ITGA4: variants seen among roughly 807,000 people sequenced by gnomAD.
ITGA4 encodes the protein integrin subunit alpha 4, also known as integrin alpha-4.
Under a neutral mutation model 133.6 loss-of-function variants are expected in ITGA4, and 63 were observed. The ratio of observed to expected loss-of-function variants is 0.47; its 90% CI spans 0.38 to 0.58. The LOEUF (loss-of-function observed/expected upper bound fraction) is 0.58, where lower values mean the gene tolerates loss of function less well. Among genes scored for constraint, ITGA4 ranks in the 20% least tolerant of loss-of-function variants. The pLI is 0.00. For synonymous variants in ITGA4, 483 were observed against 438.0 expected (o/e 1.10, Z -1.28); for missense variants, 1,076 against 1,252.7 (o/e 0.86, Z 2.13).
At position 181,537,204 on chromosome 2, in the gene ITGA4, C is replaced by T. The variant is rs201828604; in HGVS notation, c.*1677C>T. On this transcript the variant is annotated 3_prime_UTR_variant, in exon 28 of 28. Transcript: ENST00000397033. ...GGATCATAGATGAAAAATCAAGCCC[C>T]GATTTAGAACTGTCTTCTCCAGGAT... The T allele has an allele frequency of 3.3e-5, 15 of 452,970 alleles. No individual in the cohort carries two copies. Among genetic ancestry groups the T allele is most frequent in the Non-Finnish European group, 4.9e-5 (11 of 226,020 alleles). 28.1% of individuals were successfully genotyped at this position (452,970 alleles called of 1,614,324 possible). A position where few individuals can be genotyped will look rare whatever the true frequency, so the allele number is the denominator to read the frequency against.
intron 17 of ITGA4, among the ~76,000 whole-genome samples, chr2:181,514,721 T>C (rs1686572971): frequency 6.6e-6 from 1 of 152,102 alleles, no homozygotes; most frequent in Admixed American, 6.6e-5. Context: ...AATCAGACAC[T>C]TGTGCTATCA....
At chr2:181,521,690 C>T (rs569136594) in intron 17 of ITGA4, among the ~76,000 whole-genome samples, 18 of 152,198 alleles carry the variant, frequency 1.2e-4, no homozygotes, top group East Asian at 1.2e-3. Context: ...GTGCCACGCA[C>T]TTGTGGGTGG....
At chr2:181,520,389 GC>G (rs1250781062) in intron 17 of ITGA4, among the ~76,000 whole-genome samples, 1 of 151,984 alleles carries the variant, frequency 6.6e-6, no homozygotes, top group Non-Finnish European at 1.5e-5. Flanking sequence ...TGAAGCAGGG[GC>G]CAACTCTGGA....
chr2:181,531,663 A>G lies in ITGA4; in HGVS notation c.2671A>G (p.Ile891Val). 6.3e-6 allele frequency: 10 copies of G among 1,591,368 alleles called. No homozygotes were observed. The highest frequency in any genetic ancestry group is 8.6e-6 in the Non-Finnish European group (10 of 1,164,372). ...CTTTTATATTCCCTTCAAGTACTGC[A>G]TAAAAGCTGATCCACATTGTTTAAA... is the stretch of plus-strand genomic sequence containing the variant. ...SKTDKRLLYC[I>V]KADPHCLNFL... The change falls in exon 25 of 28, where the codon ATA becomes GTA. Residue 891 changes from isoleucine to valine, a missense_variant. By Grantham distance (29) the Ile-to-Val change is conservative. Transcript: ENST00000397033.
intron 15 of ITGA4, among the ~76,000 whole-genome samples, chr2:181,509,135 TAAAAAAAAAAAAAAAAAAAAAAAAAAAAA>T (rs57180154): frequency 1.1e-4 from 5 of 44,640 alleles, no homozygotes; most frequent in South Asian, 1.3e-3. Flanking sequence ...TCCCATCTCT[TAAAAAAAAAAAAAAAAAAAAAAAAAAAAA>T]AAAAAAAAAA....
intron 17 of ITGA4, among the ~76,000 whole-genome samples, chr2:181,517,218 T>C (rs1686624006): frequency 6.6e-6 from 1 of 152,090 alleles, no homozygotes; most frequent in Non-Finnish European, 1.5e-5. Context: ...TATCTTGACA[T>C]AGTGAAGTAT....
intron 17 of ITGA4, among the ~76,000 whole-genome samples, chr2:181,515,610 A>G (rs1011667486): frequency 6.6e-6 from 1 of 152,090 alleles, no homozygotes; most frequent in African/African-American, 2.4e-5. Context: ...TATTTTTTGT[A>G]TCAACTAAGA....
chr2:181,491,266 G>GTTATTTTTTCAT, intron 10 of ITGA4, among the ~76,000 whole-genome samples: 1 of 276 alleles, frequency 3.6e-3, no homozygotes, highest in East Asian at 0.5. Context: ...CGCCGGGCGC[G>GTTATTTTTTCAT]GTGGCTCACG....
At chr2:181,534,594 A>T (rs1356092365) in intron 26 of ITGA4, among the ~76,000 whole-genome samples, 2 of 149,426 alleles carry the variant, frequency 1.3e-5, no homozygotes, top group Non-Finnish European at 3.0e-5. Context: ...TGAGAATTGA[A>T]TAGATTGGAG....
chr2:181,535,829 A>G lies in ITGA4; in HGVS notation c.*302A>G, dbSNP rs201098332. On this transcript the variant is annotated 3_prime_UTR_variant, in exon 28 of 28. Transcript: ENST00000397033. ...CTTGAAGATATCTTGAAATGAAAGT[A>G]TAACTGAGTTAAATTATACTGGAGA... 7 of 201,632 alleles carry G rather than the reference A, an allele frequency of 3.5e-5. No individual in the cohort carries two copies. Among genetic ancestry groups the G allele is most frequent in the East Asian group, 1.2e-4 (1 of 8,326 alleles). The allele number at this position is 201,632 out of a possible 1,614,324, so 12.5% of individuals were successfully genotyped here. A position where few individuals can be genotyped will look rare whatever the true frequency, so the allele number is the denominator to read the frequency against.
rs544241366 is a variant in ITGA4, at chr2:181,463,322, CATG to C, written c.319+5008_319+5010del. Reference sequence around the variant, plus strand: ...TAGGATATTTAAAACTGGGGAGTGACATGATCAGATTTGTGTGTTTGACAGATT... The same window carrying C: ...TAGGATATTTAAAACTGGGGAGTGACATCAGATTTGTGTGTTTGACAGATT... On this transcript the variant is annotated intron_variant, in intron 2 of 27. Transcript: ENST00000397033. 2.3e-3 allele frequency among the ~76,000 whole-genome samples: 346 copies of C among 152,190 alleles called. 2 individuals carry two copies. Among genetic ancestry groups the C allele is most frequent in the African/African-American group, 6.1e-3 (254 of 41,528 alleles).
chr2:181,483,769 G>A (rs2105734885), intron 9 of ITGA4, among the ~76,000 whole-genome samples: 1 of 152,238 alleles, frequency 6.6e-6, no homozygotes. Flanking sequence ...TCCAAAAATA[G>A]TGGTCTTTGT....
At chr2:181,475,860 A>G (rs1233943747) in intron 4 of ITGA4, 2 of 1,602,882 alleles carry the variant, frequency 1.2e-6, no homozygotes, top group East Asian at 2.2e-5. Flanking sequence ...AACAGAAGTG[A>G]GCAGAATTGG....
At chr2:181,529,051 T>C (rs1426660379) in intron 22 of ITGA4, among the ~76,000 whole-genome samples, 1 of 152,212 alleles carries the variant, frequency 6.6e-6, no homozygotes, top group African/African-American at 2.4e-5. Flanking sequence ...AGAGTGCTTT[T>C]GCGATAACAT....
intron 15 of ITGA4, among the ~76,000 whole-genome samples, chr2:181,499,184 C>A (rs1056227401): frequency 6.6e-6 from 1 of 152,180 alleles, no homozygotes; most frequent in East Asian, 1.9e-4. Flanking sequence ...ACGACTCCAG[C>A]GAAGCAGAAT....
intron 26 of ITGA4, among the ~76,000 whole-genome samples, chr2:181,534,600 T>C (rs1200456910): frequency 6.7e-6 from 1 of 148,946 alleles, no homozygotes; most frequent in Non-Finnish European, 1.5e-5. Context: ...TTGAATAGAT[T>C]GGAGGAAAAG....
At chr2:181,470,545 T>A (rs1228441480) in intron 2 of ITGA4, among the ~76,000 whole-genome samples, 1 of 152,152 alleles carries the variant, frequency 6.6e-6, no homozygotes, top group Non-Finnish European at 1.5e-5. Flanking sequence ...GGTACTGGTT[T>A]CAAACTCCCT....
At chr2:181,475,423 C>A in intron 4 of ITGA4, 135 bp downstream of exon 4, 1 of 695,300 alleles carries the variant, frequency 1.4e-6, no homozygotes, top group Non-Finnish European at 2.4e-6. Flanking sequence ...TTTAACTACT[C>A]AATTTCTTTC....
chr2:181,535,473 A>G lies in ITGA4; in HGVS notation c.3045A>G (p.Glu1015=). The change falls in exon 28 of 28, where the codon GAA becomes GAG. Residue 1015 remains glutamate, a synonymous_variant. Transcript: ENST00000397033. ...FKRQYKSILQ[E]ENRRDSWSYI... ...GACAATACAAATCTATCCTACAAGAAGAAAACAGAAGAGACAGTTGGAGTT... is the reference window on the plus strand; with the variant it reads ...GACAATACAAATCTATCCTACAAGAGGAAAACAGAAGAGACAGTTGGAGTT... The G allele has an allele frequency of 6.2e-7, 1 of 1,610,050 alleles. No individual in the cohort carries two copies. Among genetic ancestry groups the G allele is most frequent in the Non-Finnish European group, 8.5e-7 (1 of 1,177,862 alleles).
Sources: allele counts gnomAD v4.1 joint callset (sites outside exome capture counted in the v4.1 genomes callset), GRCh38; gene constraint gnomAD v4.1.1; transcripts MANE v1.5; gene names NCBI Gene and HGNC (gene_info 2026-07-23, HGNC 2026-07-21).